Variants in ANKS1B observed in about 807,000 individuals in gnomAD.
ANKS1B encodes ankyrin repeat and sterile alpha motif domain-containing protein 1B.
A neutral mutation model predicts 148.3 loss-of-function variants in ANKS1B; 36 were observed. The ratio of observed to expected loss-of-function variants is 0.24; its 90% CI spans 0.19 to 0.32. The LOEUF (loss-of-function observed/expected upper bound fraction) is 0.32. Ranked by LOEUF, ANKS1B falls within the 10% of genes least tolerant of loss-of-function variation. The pLI, the probability that ANKS1B is intolerant of heterozygous loss-of-function variation, is 1.00. For synonymous variants in ANKS1B, 542 were observed against 560.8 expected, an observed-to-expected ratio of 0.97 and a Z score of 0.47; for missense variants, 1,157 against 1,542.6, an observed-to-expected ratio of 0.75 and a Z score of 4.19.
chr12:99,753,987 C>T (rs2061346516), intron 8 of ANKS1B, among the ~76,000 whole-genome samples: 1 of 151,948 alleles, frequency 6.6e-6, no homozygotes, highest in Admixed American at 6.6e-5. Context: ...CACACCATTG[C>T]ACTCCAGCCT....
chr12:99,171,801 T>C (rs1009493396), intron 14 of ANKS1B, among the ~76,000 whole-genome samples: 5 of 152,158 alleles, frequency 3.3e-5, no homozygotes, highest in Admixed American at 2.0e-4. Flanking sequence ...GGCAAGTGTT[T>C]GAATCCCCAT....
intron 8 of ANKS1B, among the ~76,000 whole-genome samples, chr12:99,759,912 A>G (rs1489485975): frequency 6.6e-6 from 1 of 151,432 alleles, no homozygotes; most frequent in Non-Finnish European, 1.5e-5. Context: ...TCTACTAGAA[A>G]GTTTAATTCA....
chr12:98,943,167 A>G (rs2099839756), intron 17 of ANKS1B, among the ~76,000 whole-genome samples: 1 of 152,170 alleles, frequency 6.6e-6, no homozygotes, highest in Non-Finnish European at 1.5e-5. Flanking sequence ...AGTGTCCATA[A>G]ACACAGATAG....
At chr12:98,865,601 CA>C (rs956358751) in intron 17 of ANKS1B, among the ~76,000 whole-genome samples, 5 of 152,054 alleles carry the variant, frequency 3.3e-5, no homozygotes, top group Admixed American at 3.3e-4. Flanking sequence ...ATAAACGAGA[CA>C]GGGAAAAATA....
At chr12:99,488,380 A>G (rs2096521841) in intron 10 of ANKS1B, among the ~76,000 whole-genome samples, 2 of 152,082 alleles carry the variant, frequency 1.3e-5, no homozygotes, top group South Asian at 2.1e-4. Context: ...AGAACTAGGG[A>G]CATTTTAATT....
chr12:98,782,002 A>G (rs2098741778), intron 23 of ANKS1B, 124 bp downstream of exon 23: 5 of 827,240 alleles, frequency 6.0e-6, no homozygotes, highest in Non-Finnish European at 9.6e-6. Flanking sequence ...AAGTTTCTCT[A>G]TAATTTAGTA....
intron 8 of ANKS1B, among the ~76,000 whole-genome samples, chr12:99,675,745 T>C (rs2098561649): frequency 6.6e-6 from 1 of 151,994 alleles, no homozygotes; most frequent in African/African-American, 2.4e-5. Context: ...ATAAAATAAA[T>C]GTATAAACAA....
chr12:99,211,597 A>G (rs1742279186), intron 14 of ANKS1B, among the ~76,000 whole-genome samples: 1 of 152,194 alleles, frequency 6.6e-6, no homozygotes, highest in Non-Finnish European at 1.5e-5. Flanking sequence ...TTTAAACTGA[A>G]TTTGTTATAA....
intron 1 of ANKS1B, among the ~76,000 whole-genome samples, chr12:99,894,283 G>A (rs1290968108): frequency 1.4e-5 from 1 of 72,068 alleles, no homozygotes; most frequent in Non-Finnish European, 3.0e-5. Flanking sequence ...AAGGAAGGAA[G>A]GAAGGAAGGG....
At chr12:98,960,261 C>G (rs1217321446) in intron 17 of ANKS1B, among the ~76,000 whole-genome samples, 2 of 152,094 alleles carry the variant, frequency 1.3e-5, no homozygotes, top group Non-Finnish European at 2.9e-5. Flanking sequence ...ATCCCACCCA[C>G]AGTTCTAGGC....
intron 14 of ANKS1B, among the ~76,000 whole-genome samples, chr12:99,206,139 C>A (rs376234347): frequency 6.6e-6 from 1 of 152,136 alleles, no homozygotes; most frequent in African/African-American, 2.4e-5. Flanking sequence ...CAACAAGGTA[C>A]GCTGTGAAAG....
At chr12:99,792,747 TG>T (rs2065815545) in intron 4 of ANKS1B, among the ~76,000 whole-genome samples, 2 of 152,086 alleles carry the variant, frequency 1.3e-5, no homozygotes, top group South Asian at 4.1e-4. Context: ...TCATACTGAA[TG>T]GGGGAAAACT....
chr12:99,594,253 G>C (rs1181390282), intron 9 of ANKS1B, among the ~76,000 whole-genome samples: 1 of 152,070 alleles, frequency 6.6e-6, no homozygotes, highest in Non-Finnish European at 1.5e-5. Flanking sequence ...TTCGTGTACT[G>C]TTGTAAGAAT....
At chr12:99,296,948 T>C (rs906436363) in intron 12 of ANKS1B, among the ~76,000 whole-genome samples, 2 of 152,192 alleles carry the variant, frequency 1.3e-5, no homozygotes, top group East Asian at 1.9e-4. Context: ...CTCTTGAAGA[T>C]TATGAATTGC....
At chr12:99,727,580 A>G (rs2058734834) in intron 8 of ANKS1B, among the ~76,000 whole-genome samples, 1 of 152,216 alleles carries the variant, frequency 6.6e-6, no homozygotes, top group African/African-American at 2.4e-5. Context: ...TAATTTATAG[A>G]TTCAATGCTA....
chr12:99,935,048 AAATT>A (rs1249982954), intron 1 of ANKS1B, among the ~76,000 whole-genome samples: 2 of 148,746 alleles, frequency 1.3e-5, no homozygotes, highest in African/African-American at 2.6e-5. Flanking sequence ...TCCGATAAAT[AAATT>A]AAAAAGCATA....
Position 99,581,848 on chromosome 12 carries a change from G to A in ANKS1B, c.1272+73219C>T, listed in dbSNP as rs557519820. On this transcript the variant is annotated intron_variant, in intron 9 of 26. Coordinates refer to ENST00000683438, the MANE Select transcript of ANKS1B (RefSeq NM_001352186.2). The stretch of plus-strand genomic sequence containing the variant: ...GGAGCTTGCAGTGAGCCGAGATTGC[G>A]CCACTGCAGTCCGCAGTCCAGCCTG... Among the ~76,000 whole-genome samples, 5 of 145,718 alleles carry A rather than the reference G, an allele frequency of 3.4e-5. No individual in the cohort carries two copies. In the East Asian group the frequency reaches 6.1e-4, roughly 18 times the overall value.
intron 9 of ANKS1B, among the ~76,000 whole-genome samples, chr12:99,548,499 C>T (rs2097190634): frequency 1.3e-5 from 2 of 152,022 alleles, no homozygotes; most frequent in Non-Finnish European, 2.9e-5. Context: ...CACCATTCTA[C>T]AAAATACCTT....
At chr12:99,675,385 A>G (rs182170828) in intron 8 of ANKS1B, among the ~76,000 whole-genome samples, 405 of 151,612 alleles carry the variant, frequency 2.7e-3, no homozygotes, top group Non-Finnish European at 4.0e-3. Context: ...CTTTAAAATC[A>G]TATTCTCAGA....
Sources: allele counts gnomAD v4.1 joint callset (sites outside exome capture counted in the v4.1 genomes callset), GRCh38; gene constraint gnomAD v4.1.1; transcripts MANE v1.5; gene names NCBI Gene and HGNC (gene_info 2026-07-23, HGNC 2026-07-21).